PDE11A: variants seen among roughly 807,000 people sequenced by gnomAD.
The protein encoded by PDE11A is phosphodiesterase 11A.
Under a neutral mutation model 100.5 loss-of-function variants are expected in PDE11A, and 100 were observed. The ratio of observed to expected loss-of-function variants is 1.00; its 90% CI spans 0.85 to 1.18. The LOEUF (loss-of-function observed/expected upper bound fraction) is 1.18. Among genes scored for constraint, PDE11A ranks in the 50% most tolerant of loss-of-function variants. The probability of loss-of-function intolerance (pLI) is 0.00; values close to 1 mark genes in which losing one functional copy is unlikely to be tolerated. For synonymous variants in PDE11A, 381 were observed against 420.8 expected, an observed-to-expected ratio of 0.91 and a Z score of 1.16; for missense variants, 1,141 against 1,152.6, an observed-to-expected ratio of 0.99 and a Z score of 0.15.
chr2:177,963,469 A>G (rs1319687519), intron 2 of PDE11A, among the ~76,000 whole-genome samples: 1 of 152,150 alleles, frequency 6.6e-6, no homozygotes, highest in East Asian at 1.9e-4. Context: ...ATGAAAAATG[A>G]CTCCAAGGAA....
chr2:177,877,209 G>A (rs1417091749), intron 4 of PDE11A, among the ~76,000 whole-genome samples: 1 of 145,074 alleles, frequency 6.9e-6, no homozygotes, highest in African/African-American at 2.7e-5. Context: ...CTGTCGCACA[G>A]GCTGGAGTGC....
intron 9 of PDE11A, among the ~76,000 whole-genome samples, chr2:177,773,767 C>T (rs994103566): frequency 6.6e-6 from 1 of 152,132 alleles, no homozygotes; most frequent in Non-Finnish European, 1.5e-5. Flanking sequence ...AGAGTACAAT[C>T]CATGTTGGTG....
chr2:178,050,505 C>T (rs2086809778), intron 1 of PDE11A, among the ~76,000 whole-genome samples: 1 of 152,174 alleles, frequency 6.6e-6, no homozygotes, highest in East Asian at 1.9e-4. Flanking sequence ...CAGAAAATGA[C>T]TTTGACGAGT....
At chr2:178,020,618 C>T (rs752050952) in intron 1 of PDE11A, among the ~76,000 whole-genome samples, 1 of 151,954 alleles carries the variant, frequency 6.6e-6, no homozygotes, top group South Asian at 2.1e-4. Context: ...ATGGTGAAAC[C>T]CCATCTCTAC....
intron 6 of PDE11A, among the ~76,000 whole-genome samples, chr2:177,827,148 T>A (rs554754986): frequency 1.3e-5 from 2 of 152,194 alleles, no homozygotes; most frequent in Non-Finnish European, 2.9e-5. Context: ...TGGAGCCCCA[T>A]TATCCTTAAG....
At chr2:178,103,973 C>G (rs1303359706) in intron 2 of PDE11A, among the ~76,000 whole-genome samples, 2 of 152,116 alleles carry the variant, frequency 1.3e-5, no homozygotes, top group Non-Finnish European at 2.9e-5. Context: ...AAAATCAATA[C>G]TACAAATAGA....
intron 2 of PDE11A, among the ~76,000 whole-genome samples, chr2:178,086,727 A>T (rs1448483598): frequency 6.6e-6 from 1 of 152,198 alleles, no homozygotes; most frequent in African/African-American, 2.4e-5. Context: ...AATGTGAGGA[A>T]GTGGTTGGAT....
chr2:177,918,956 G>C (rs573584053), intron 2 of PDE11A, among the ~76,000 whole-genome samples: 2 of 152,206 alleles, frequency 1.3e-5, no homozygotes, highest in East Asian at 3.9e-4. Context: ...TCCAGAGAAG[G>C]AGACTCTCAA....
chr2:177,676,451 T>C (rs2080775629), intron 16 of PDE11A, among the ~76,000 whole-genome samples: 2 of 152,206 alleles, frequency 1.3e-5, no homozygotes, highest in Non-Finnish European at 2.9e-5. Flanking sequence ...ATGTCGGTGT[T>C]AACATTTCAT....
chr2:177,847,990 T>TTGTGTG (rs749800668), intron 5 of PDE11A, among the ~76,000 whole-genome samples: 1,695 of 147,900 alleles, frequency 0.011, 29 homozygotes, highest in African/African-American at 0.039. Context: ...AATGGTGTGT[T>TTGTGTG]TGTGTGTGTG....
chr2:177,631,546 T>TATATAC (rs1553529169), intron 19 of PDE11A, among the ~76,000 whole-genome samples: 1 of 16,622 alleles, frequency 6.0e-5, no homozygotes, highest in African/African-American at 1.6e-4. Flanking sequence ...TATATATATA[T>TATATAC]ACACATGTAT....
intron 9 of PDE11A, among the ~76,000 whole-genome samples, chr2:177,783,355 T>A (rs2082481806): frequency 1.3e-5 from 2 of 152,234 alleles, no homozygotes; most frequent in African/African-American, 4.8e-5. Context: ...ATATGTGTCT[T>A]AAGTTATTTA....
chr2:177,792,785 G>C (rs1006502484), intron 9 of PDE11A, among the ~76,000 whole-genome samples: 2 of 152,182 alleles, frequency 1.3e-5, no homozygotes, highest in South Asian at 4.1e-4. Flanking sequence ...AATGCAGTCT[G>C]GGATGTACCG....
At chr2:177,785,815 G>T (rs1345709687) in intron 9 of PDE11A, among the ~76,000 whole-genome samples, 2 of 152,200 alleles carry the variant, frequency 1.3e-5, no homozygotes, top group African/African-American at 4.8e-5. Context: ...AAACTGCAAG[G>T]CGGCAGCGAG....
chr2:177,713,020 T>TA lies in PDE11A; in HGVS notation c.2044-1143_2044-1142insT, dbSNP rs201903373. Among the ~76,000 whole-genome samples, 201 of 152,272 alleles carry TA rather than the reference T, an allele frequency of 1.3e-3. 9 individuals are homozygous for TA. In the East Asian group the frequency reaches 0.034, roughly 25 times the overall value. ...GGTTTCTGTGTTGACAATTTTATTT[T>TA]TTTTTTAGGAGACAGTCTTGTTCTA... On this transcript the variant is annotated intron_variant, in intron 12 of 19. Transcript: ENST00000286063.
chr2:177,947,340 CA>C (rs2085455832), intron 2 of PDE11A, among the ~76,000 whole-genome samples: 1 of 147,424 alleles, frequency 6.8e-6, no homozygotes, highest in Non-Finnish European at 1.5e-5. Context: ...GAAAGGTGGG[CA>C]AAAGATTGAG....
At chr2:177,827,280 A>G (rs1574184656) in intron 6 of PDE11A, among the ~76,000 whole-genome samples, 1 of 152,198 alleles carries the variant, frequency 6.6e-6, no homozygotes, top group Admixed American at 6.5e-5. Context: ...AGATCACACC[A>G]CCTTAGTGTT....
intron 2 of PDE11A, among the ~76,000 whole-genome samples, chr2:177,923,818 T>C (rs2085088747): frequency 6.6e-6 from 1 of 152,212 alleles, no homozygotes; most frequent in Non-Finnish European, 1.5e-5. Flanking sequence ...AAATTTGAAA[T>C]CTACTTCTAA....
chr2:178,096,169 C>CTTTTCTTTTTTTT (rs763493838), intron 2 of PDE11A, among the ~76,000 whole-genome samples: 1 of 120,110 alleles, frequency 8.3e-6, no homozygotes, highest in Non-Finnish European at 1.8e-5. Flanking sequence ...CTTTTCTTTT[C>CTTTTCTTTTTTTT]TTTTTTTTTT....
Sources: gnomAD v4.1 joint callset for allele counts (sites outside exome capture counted in the v4.1 genomes callset) on GRCh38, gnomAD v4.1.1 for gene constraint, MANE v1.5 for transcripts, NCBI Gene and HGNC (gene_info 2026-07-23, HGNC 2026-07-21) for gene names.